Variants in MPP7 observed in about 807,000 individuals in gnomAD.
MPP7 encodes the protein MAGUK p55 subfamily member 7.
MPP7 carries 60 observed loss-of-function variants against 76.5 expected under a neutral mutation model. The ratio of observed to expected loss-of-function variants is 0.78; its 90% CI spans 0.64 to 0.97. MPP7 has a LOEUF of 0.97. MPP7 is among the 50% of genes least tolerant of loss of function. The probability of loss-of-function intolerance (pLI) is 0.00; values close to 1 mark genes in which losing one functional copy is unlikely to be tolerated. For synonymous variants in MPP7, 237 were observed against 244.5 expected (o/e 0.97, Z 0.29); for missense variants, 641 against 694.0 (o/e 0.92, Z 0.86).
intron 16 of MPP7, among the ~76,000 whole-genome samples, chr10:28,055,194 T>G (rs1227814794): frequency 6.6e-6 from 1 of 152,236 alleles, no homozygotes; most frequent in African/African-American, 2.4e-5. Context: ...TGAAATAATT[T>G]GAGTCTGCAT....
chr10:28,325,740 T>G (rs1834406252), intron 2 of MPP7, among the ~76,000 whole-genome samples: 1 of 151,960 alleles, frequency 6.6e-6, no homozygotes, highest in Non-Finnish European at 1.5e-5. Context: ...ATGATCCACC[T>G]GATTCAGCCT....
At chr10:28,101,656 A>C (rs1056410184) in intron 11 of MPP7, among the ~76,000 whole-genome samples, 2 of 152,188 alleles carry the variant, frequency 1.3e-5, no homozygotes, top group African/African-American at 4.8e-5. Flanking sequence ...TTTGTAAGAA[A>C]GTATGTTAGA....
At chr10:28,289,671 T>G (rs2133122919) in intron 1 of MPP7, among the ~76,000 whole-genome samples, 1 of 151,968 alleles carries the variant, frequency 6.6e-6, no homozygotes, top group South Asian at 2.1e-4. Flanking sequence ...AGCAAATGAG[T>G]GACAGGATCC....
At chr10:28,104,519 A>G (rs867006165) in intron 11 of MPP7, among the ~76,000 whole-genome samples, 3 of 152,190 alleles carry the variant, frequency 2.0e-5, no homozygotes, top group Middle Eastern at 3.2e-3. Context: ...CTTTTGGGGG[A>G]AAAATAGAAT....
intron 5 of MPP7, among the ~76,000 whole-genome samples, chr10:28,144,078 G>A (rs1835624263): frequency 6.6e-6 from 1 of 152,112 alleles, no homozygotes; most frequent in Admixed American, 6.6e-5. Flanking sequence ...TAGTAGAGAT[G>A]GGGTTTCACC....
chr10:28,287,583 CAT>C (rs1840818067), intron 1 of MPP7, among the ~76,000 whole-genome samples: 1 of 152,086 alleles, frequency 6.6e-6, no homozygotes, highest in Non-Finnish European at 1.5e-5. Flanking sequence ...AATGTTAGCA[CAT>C]TTTATAATGC....
At chr10:28,109,021 C>T (rs1312037759) in intron 11 of MPP7, among the ~76,000 whole-genome samples, 1 of 152,138 alleles carries the variant, frequency 6.6e-6, no homozygotes, top group African/African-American at 2.4e-5. Context: ...GTCTCGGTCG[C>T]TCACACCTGT....
At chr10:28,206,241 G>A (rs746056814) in intron 2 of MPP7, among the ~76,000 whole-genome samples, 24 of 152,142 alleles carry the variant, frequency 1.6e-4, no homozygotes, top group Admixed American at 3.9e-4. Flanking sequence ...TAGAATATAT[G>A]ACTATCTCTG....
At chr10:28,177,593 C>T (rs868555126) in intron 3 of MPP7, among the ~76,000 whole-genome samples, 16 of 152,016 alleles carry the variant, frequency 1.1e-4, no homozygotes, top group African/African-American at 3.1e-4. Context: ...ATAGCATAAG[C>T]GGTTGATGGA....
chr10:28,220,366 A>G (rs1838459814), intron 2 of MPP7, among the ~76,000 whole-genome samples: 1 of 152,168 alleles, frequency 6.6e-6, no homozygotes, highest in Non-Finnish European at 1.5e-5. Context: ...ATGGCCTATA[A>G]CCATCCTTTC....
intron 11 of MPP7, among the ~76,000 whole-genome samples, chr10:28,099,212 C>CA (rs1289170474): frequency 1.3e-5 from 2 of 152,066 alleles, no homozygotes; most frequent in Non-Finnish European, 2.9e-5. Context: ...TAACAGCCTC[C>CA]AAAAAATCGC....
rs549621404 is a variant in MPP7 at position 28,316,435 on chromosome 10, T to TAA, written c.-132+13492_-132+13493dup. On this transcript the variant is annotated intron_variant, in intron 2 of 11. Coordinates refer to the MPP7 transcript ENST00000441595. Reference sequence around the variant, plus strand: ...GGGCAACAGAGTAAGACTCTGTCTTTAAAAAAAAAAAAAAAAAAAAAAAAA... The same window carrying TAA: ...GGGCAACAGAGTAAGACTCTGTCTTTAAAAAAAAAAAAAAAAAAAAAAAAAAA... Among the ~76,000 whole-genome samples, 251 of 37,150 alleles carry TAA rather than the reference T, an allele frequency of 6.8e-3. 46 individuals carry two copies. Among genetic ancestry groups the TAA allele is most frequent in the Non-Finnish European group, 9.1e-3 (170 of 18,652 alleles). 24.4% of individuals were successfully genotyped at this position (37,150 alleles called of 152,430 possible).
At chr10:28,118,938 G>GT (rs1834742005) in intron 11 of MPP7, 2 of 985,350 alleles carry the variant, frequency 2.0e-6, no homozygotes, top group Non-Finnish European at 2.4e-6. Context: ...CAAAGGGTTG[G>GT]TTTTTTCCTC....
chr10:28,141,793 A>G (rs1347745224), intron 5 of MPP7, among the ~76,000 whole-genome samples: 1 of 152,144 alleles, frequency 6.6e-6, no homozygotes, highest in East Asian at 1.9e-4. Flanking sequence ...GAGAATTCCA[A>G]ATTTCTTCTG....
At chr10:28,149,934 C>T (rs540909950) in intron 4 of MPP7, 48 bp downstream of exon 4, 7 of 1,474,936 alleles carry the variant, frequency 4.7e-6, no homozygotes, top group Non-Finnish European at 4.7e-6. Flanking sequence ...CTGCCTGGGC[C>T]AGGTCTGCAG....
chr10:28,237,636 A>G (rs1175372417), intron 2 of MPP7, among the ~76,000 whole-genome samples: 1 of 152,230 alleles, frequency 6.6e-6, no homozygotes, highest in East Asian at 1.9e-4. Context: ...TTGAGATTAT[A>G]GCACCAGTCA....
intron 2 of MPP7, chr10:28,202,967 T>C (rs1359020177): frequency 6.6e-6 from 1 of 151,606 alleles, no homozygotes; most frequent in Non-Finnish European, 1.5e-5. Flanking sequence ...GGGCAGACAG[T>C]AGTGCAGTGT....
chr10:28,283,776 A>G (rs1164572366), intron 1 of MPP7, among the ~76,000 whole-genome samples: 1 of 152,156 alleles, frequency 6.6e-6, no homozygotes, highest in Non-Finnish European at 1.5e-5. Context: ...CGGCCTCCCA[A>G]AATGCTGGGA....
intron 1 of MPP7, among the ~76,000 whole-genome samples, chr10:28,267,769 C>T (rs1840192164): frequency 6.6e-6 from 1 of 152,150 alleles, no homozygotes; most frequent in Non-Finnish European, 1.5e-5. Context: ...GGCACGATGG[C>T]TCACACCTGT....
Sources: allele counts gnomAD v4.1 joint callset (sites outside exome capture counted in the v4.1 genomes callset), GRCh38; gene constraint gnomAD v4.1.1; transcripts MANE v1.5; gene names NCBI Gene and HGNC (gene_info 2026-07-23, HGNC 2026-07-21).